PLXNC1: variants seen among roughly 807,000 people sequenced by gnomAD.
The protein encoded by PLXNC1 is plexin-C1.
In PLXNC1, 75 loss-of-function variants were observed where a neutral mutation model predicts 178.2. The ratio of observed to expected loss-of-function variants is 0.42; its 90% CI spans 0.35 to 0.51. The LOEUF (loss-of-function observed/expected upper bound fraction) is 0.51. Ranked by LOEUF, PLXNC1 falls within the 20% of genes least tolerant of loss-of-function variation. The pLI, the probability that PLXNC1 is intolerant of heterozygous loss-of-function variation, is 0.02. For synonymous variants in PLXNC1, 790 were observed against 779.9 expected, an observed-to-expected ratio of 1.01 and a Z score of -0.22; for missense variants, 1,503 against 1,984.4, an observed-to-expected ratio of 0.76 and a Z score of 4.61.
chr12:94,187,832 T>G (rs1037359542), intron 4 of PLXNC1, among the ~76,000 whole-genome samples: 4 of 151,942 alleles, frequency 2.6e-5, no homozygotes, highest in Non-Finnish European at 5.9e-5. Flanking sequence ...TGATATGAAT[T>G]TGGGAGTTGG....
intron 12 of PLXNC1, among the ~76,000 whole-genome samples, chr12:94,245,952 C>T (rs1033617727): frequency 2.0e-5 from 3 of 152,040 alleles, no homozygotes; most frequent in African/African-American, 2.4e-5. Context: ...CACACTGGAC[C>T]GAGACAATTA....
chr12:94,162,260 G>C (rs969413758), intron 1 of PLXNC1, among the ~76,000 whole-genome samples: 1 of 152,208 alleles, frequency 6.6e-6, no homozygotes, highest in Non-Finnish European at 1.5e-5. Flanking sequence ...GGGAGTGAAG[G>C]GGGGTGGGGC....
At chr12:94,258,023 CA>C (rs199547151) in intron 17 of PLXNC1, among the ~76,000 whole-genome samples, 4 of 147,060 alleles carry the variant, frequency 2.7e-5, no homozygotes, top group Non-Finnish European at 6.0e-5. Context: ...GATTCCGTCT[CA>C]AAAAAAAATA....
chr12:94,193,364 T>C (rs1165415882), intron 4 of PLXNC1, among the ~76,000 whole-genome samples: 2 of 151,898 alleles, frequency 1.3e-5, no homozygotes, highest in Admixed American at 1.3e-4. Context: ...AGAATGATAG[T>C]AGTGGTGAGG....
intron 23 of PLXNC1, among the ~76,000 whole-genome samples, chr12:94,293,310 T>G (rs1317686546): frequency 6.6e-6 from 1 of 152,252 alleles, no homozygotes; most frequent in East Asian, 1.9e-4. Context: ...TTCTGTGGAC[T>G]AAGGACCTAC....
At chr12:94,208,686 G>A (rs1253744685) in intron 4 of PLXNC1, among the ~76,000 whole-genome samples, 3 of 152,090 alleles carry the variant, frequency 2.0e-5, no homozygotes, top group East Asian at 1.9e-4. Flanking sequence ...GAAATATTTC[G>A]TTCTTTCCTT....
chr12:94,224,383 G>T, intron 7 of PLXNC1, 68 bp downstream of exon 7: 1 of 914,388 alleles, frequency 1.1e-6, no homozygotes, highest in South Asian at 1.3e-5. Context: ...TTGACTCCTC[G>T]ATTTCCTAAA....
At chr12:94,247,266 A>G (rs1242730518) in intron 12 of PLXNC1, among the ~76,000 whole-genome samples, 2 of 151,414 alleles carry the variant, frequency 1.3e-5, no homozygotes, top group East Asian at 3.9e-4. Flanking sequence ...CCTTTTTTGC[A>G]TTGTTTTCAG....
At chr12:94,157,991 T>A (rs1961237620) in intron 1 of PLXNC1, 2 of 152,232 alleles carry the variant, frequency 1.3e-5, no homozygotes, top group Admixed American at 1.3e-4. Flanking sequence ...CAAAAGCTAT[T>A]CTTAGCTCAT....
Position 94,240,585 on chromosome 12 carries a change from A to T in PLXNC1, c.2221A>T (p.Asn741Tyr). The change falls in exon 11 of 31, where the codon AAC becomes TAC. Residue 741 changes from asparagine to tyrosine, a missense_variant. Coordinates refer to ENST00000258526, the MANE Select transcript of PLXNC1 (RefSeq NM_005761.3). ...TGTGTGTATCCAGTTTGATGGTGGGAACTGCTCTTCTGTGGGATCCTTATC... is the reference window on the plus strand; with the variant it reads ...TGTGTGTATCCAGTTTGATGGTGGGTACTGCTCTTCTGTGGGATCCTTATC... ...KDVCIQFDGG[N>Y]CSSVGSLSYI... The T allele has an allele frequency of 6.2e-7, 1 of 1,613,880 alleles. No individual in the cohort carries two copies. The highest frequency in any genetic ancestry group is 8.5e-7 in the Non-Finnish European group (1 of 1,179,770).
Position 94,297,231 on chromosome 12 carries a change from G to A in PLXNC1, c.3966+11G>A, listed in dbSNP as rs779707171. 6.2e-7 allele frequency: 1 copy of A among 1,614,026 alleles called. No homozygotes were observed. Among genetic ancestry groups the A allele is most frequent in the Non-Finnish European group, 8.5e-7 (1 of 1,179,934 alleles). Reference sequence around the variant, plus strand: ...GACCACTGCCATTTGGTGAGTTCAGGCTTTCTTGTGCTCACCACTGAACTG... The same window carrying A: ...GACCACTGCCATTTGGTGAGTTCAGACTTTCTTGTGCTCACCACTGAACTG... On this transcript the variant is annotated intron_variant, in intron 25 of 30. Transcript: ENST00000258526.
In PLXNC1 at chr12:94,240,543, C is replaced by G; in HGVS notation, c.2179C>G (p.Arg727Gly). Residue 727 changes from arginine (R) to glycine (G), a missense_variant, in exon 11 of 31, where the codon CGG becomes GGG. Physicochemically the swap from Arg to Gly is moderately radical, Grantham distance 125. Coordinates refer to ENST00000258526, the MANE Select transcript of PLXNC1 (RefSeq NM_005761.3). ...THMKFSLPSS[R>G]KEMKDVCIQF... is the part of the protein sequence containing the mutation. ...CATGAAATTCTCTCTTCCATCAAGC[C>G]GGAAAGAAATGAAGGATGTGTGTAT... 1 of 1,613,914 alleles carries G rather than the reference C, an allele frequency of 6.2e-7. No homozygotes were observed. The highest frequency in any genetic ancestry group is 2.2e-5 in the East Asian group (1 of 44,874).
At chr12:94,218,927 G>A (rs1963717074) in intron 5 of PLXNC1, among the ~76,000 whole-genome samples, 1 of 152,136 alleles carries the variant, frequency 6.6e-6, no homozygotes, top group Non-Finnish European at 1.5e-5. Flanking sequence ...GGATCATCAA[G>A]GCACGCTGTC....
chr12:94,208,191 A>G (rs1322773459), intron 4 of PLXNC1, among the ~76,000 whole-genome samples: 2 of 152,222 alleles, frequency 1.3e-5, no homozygotes, highest in African/African-American at 4.8e-5. Flanking sequence ...ATTGCCGATG[A>G]AAATCCCCAT....
At position 94,248,397 on chromosome 12, in the gene PLXNC1, T is replaced by C; in HGVS notation, c.2763T>C (p.Ser921=). ...GIKTASTIAN[S]SKKVRVKLGN... is the part of the protein sequence containing the mutation. ...AGACTGCAAGCACCATTGCCAACTC[T>C]TCTAAGAAAGTTCGGGTAAGTGACC... The change falls in exon 14 of 31, where the codon TCT becomes TCC. Residue 921 remains serine, a synonymous_variant. Coordinates refer to ENST00000258526, the MANE Select transcript of PLXNC1 (RefSeq NM_005761.3). 6.2e-7 allele frequency: 1 copy of C among 1,601,662 alleles called. No individual in the cohort carries two copies. Among genetic ancestry groups the C allele is most frequent in the Non-Finnish European group, 8.5e-7 (1 of 1,175,112 alleles).
chr12:94,223,205 G>T (rs1963842911), intron 6 of PLXNC1, among the ~76,000 whole-genome samples: 1 of 152,202 alleles, frequency 6.6e-6, no homozygotes, highest in Non-Finnish European at 1.5e-5. Context: ...CTTGAGGTCA[G>T]GAGTTCAAGA....
chr12:94,287,585 G>C (rs1172370802), intron 23 of PLXNC1, among the ~76,000 whole-genome samples: 1 of 152,242 alleles, frequency 6.6e-6, no homozygotes, highest in Non-Finnish European at 1.5e-5. Flanking sequence ...GCAAGGTTTT[G>C]AGAGGCAGAA....
intron 28 of PLXNC1, among the ~76,000 whole-genome samples, chr12:94,303,112 T>C (rs1968634181): frequency 6.6e-6 from 1 of 152,208 alleles, no homozygotes; most frequent in South Asian, 2.1e-4. Flanking sequence ...AATAAAATCA[T>C]ATTTAATTTT....
At position 94,226,877 on chromosome 12, in the gene PLXNC1, G is replaced by A. The variant is rs369461179; in HGVS notation, c.1893+170G>A. Among the ~76,000 whole-genome samples, 15 of 152,142 alleles carry A rather than the reference G, an allele frequency of 9.9e-5. No homozygotes were observed. The South Asian group carries it at 1.0e-3, about 10-fold the overall frequency. ...TGCCTCTACTAAAAATACAAAGTTA[G>A]TGGGGTGTGGTGGCGCATGCCTGTA... On this transcript the variant is annotated intron_variant, in intron 8 of 30. Transcript: ENST00000258526.
Sources: allele counts gnomAD v4.1 joint callset (sites outside exome capture counted in the v4.1 genomes callset), GRCh38; gene constraint gnomAD v4.1.1; transcripts MANE v1.5; gene names NCBI Gene and HGNC (gene_info 2026-07-23, HGNC 2026-07-21).